MAP3K15: variants seen among roughly 807,000 people sequenced by gnomAD.
The protein encoded by MAP3K15 is MAPK/ERK kinase kinase 15.
In MAP3K15, 124 loss-of-function variants were observed where a neutral mutation model predicts 99.5. The ratio of observed to expected loss-of-function variants is 1.25; its 90% CI spans 1.08 to 1.45. The LOEUF (loss-of-function observed/expected upper bound fraction) is 1.45. MAP3K15 is among the 40% of genes most tolerant of loss of function. The probability of loss-of-function intolerance (pLI) is 0.00; values close to 1 mark genes in which losing one functional copy is unlikely to be tolerated. For synonymous variants in MAP3K15, 494 were observed against 439.6 expected, an observed-to-expected ratio of 1.12 and a Z score of -1.55; for missense variants, 1,242 against 1,079.7, an observed-to-expected ratio of 1.15 and a Z score of -2.11.
At chrX:19,486,006 G>A in intron 3 of MAP3K15, among the ~76,000 whole-genome samples, 1 of 111,883 alleles carries the variant, frequency 8.9e-6, no homozygotes, top group Non-Finnish European at 1.9e-5. Flanking sequence ...GTACATAAAT[G>A]GGACAGAAGG....
intron 9 of MAP3K15, among the ~76,000 whole-genome samples, chrX:19,416,268 T>A (rs138088849): frequency 0.019 from 2,077 of 110,435 alleles, 49 homozygotes; most frequent in African/African-American, 0.065. Flanking sequence ...GAGACGGAGG[T>A]TGCAGTGAGC....
Position 19,456,905 on chromosome X carries a change from G to T in MAP3K15, c.995+8C>A. The T allele has an allele frequency of 8.6e-7, 1 of 1,158,164 alleles. No individual in the cohort carries two copies. The highest frequency in any genetic ancestry group is 1.2e-6 in the Non-Finnish European group (1 of 859,048). On this transcript the variant is annotated splice_region_variant and intron_variant, in intron 6 of 28. Transcript: ENST00000338883. Reference sequence around the variant, plus strand: ...TTTCAAAACCTGTACGTACATTATCGTTCTTACCTATTCAGTGCAAACGCA... The same window carrying T: ...TTTCAAAACCTGTACGTACATTATCTTTCTTACCTATTCAGTGCAAACGCA...
At chrX:19,494,874 C>A (rs1366265095) in intron 1 of MAP3K15, among the ~76,000 whole-genome samples, 1 of 82,509 alleles carries the variant, frequency 1.2e-5, no homozygotes, top group Non-Finnish European at 2.5e-5. Context: ...CTAAAAGCTA[C>A]CTTTAAAAAA....
chrX:19,472,740 T>A (rs970688097), intron 3 of MAP3K15, among the ~76,000 whole-genome samples: 9 of 112,385 alleles, frequency 8.0e-5, no homozygotes, highest in Middle Eastern at 4.7e-3. Context: ...AAATTGAAGA[T>A]ACAAGAATCT....
chrX:19,452,083 G>C (rs918751996), intron 6 of MAP3K15, among the ~76,000 whole-genome samples: 2 of 6 alleles, frequency 0.33, no homozygotes, highest in Non-Finnish European at 0.5. Context: ...GAGAAGAGAA[G>C]AGAAGAGAAG....
intron 9 of MAP3K15, among the ~76,000 whole-genome samples, chrX:19,420,288 G>A (rs1282650387): frequency 2.2e-4 from 24 of 111,563 alleles, no homozygotes; most frequent in African/African-American, 7.8e-4. Context: ...TTGATAGACT[G>A]CTAGCAAGAC....
intron 16 of MAP3K15, among the ~76,000 whole-genome samples, 162 bp downstream of exon 16, chrX:19,394,919 G>A (rs1256180151): frequency 1.0e-5 from 1 of 99,149 alleles, no homozygotes; most frequent in African/African-American, 3.7e-5. Flanking sequence ...GACCTCATGG[G>A]CTCAAGTGAT....
chrX:19,435,946 G>A (rs977860143), intron 6 of MAP3K15, among the ~76,000 whole-genome samples: 1 of 111,747 alleles, frequency 8.9e-6, no homozygotes, highest in African/African-American at 3.3e-5. Context: ...CTGAGGTCAG[G>A]AGTTCGAGAC....
rs140779387 is a variant in MAP3K15, at chrX:19,361,389, C to T, written c.3807G>A (p.Ser1269=). 43 of 1,207,923 alleles carry T rather than the reference C, an allele frequency of 3.6e-5. No individual in the cohort carries two copies. The African/African-American group carries it at 5.0e-4, about 14-fold the overall frequency. The stretch of plus-strand genomic sequence containing the variant: ...CCTTAGTGATCTCATTAAGAATATC[C>T]GAAAGTGTATAACCCTCTTCAACAA... ...EKIVEEGYTL[S]DILNEITKED... is the part of the protein sequence containing the mutation. The change falls in exon 28 of 29, where the codon TCG becomes TCA. Residue 1269 remains serine (S), a synonymous_variant. Transcript: ENST00000338883.
chrX:19,474,926 A>G (rs2147379364), intron 3 of MAP3K15, among the ~76,000 whole-genome samples: 1 of 111,259 alleles, frequency 9.0e-6, no homozygotes, highest in African/African-American at 3.3e-5. Context: ...ACACTTTAAA[A>G]CAGTGGTCCC....
intron 3 of MAP3K15, among the ~76,000 whole-genome samples, chrX:19,468,130 C>A (rs982541545): frequency 8.9e-6 from 1 of 111,861 alleles, no homozygotes; most frequent in Non-Finnish European, 1.9e-5. Flanking sequence ...CAGAATGTGC[C>A]ATGGGGAAGT....
In MAP3K15 at chrX:19,372,791, G is replaced by C; in HGVS notation, c.2970C>G (p.Gly990=). Residue 990 remains glycine, a synonymous_variant, in exon 22 of 29, where the codon GGC becomes GGG. Coordinates refer to ENST00000338883, the MANE Select transcript of MAP3K15 (RefSeq NM_001001671.4). The part of the protein sequence containing the change: ...PDESSALEDR[G]LASSPEDRDQ... Reference sequence around the variant, plus strand: ...CCCTGTCCTCCGGGGACGAGGCCAAGCCCCGGTCTTCCAAGGCTGAGCTCT... The same window carrying C: ...CCCTGTCCTCCGGGGACGAGGCCAACCCCCGGTCTTCCAAGGCTGAGCTCT... 8.3e-7 allele frequency: 1 copy of C among 1,210,999 alleles called. No individual in the cohort carries two copies. The highest frequency in any genetic ancestry group is 1.1e-6 in the Non-Finnish European group (1 of 895,070).
rs953889954 is a variant in MAP3K15 at position 19,452,381 on chromosome X, A to G, written c.995+4532T>C. Among the ~76,000 whole-genome samples the G allele has an allele frequency of 3.4e-4, 10 of 29,174 alleles. 4 individuals are homozygous for G. Among genetic ancestry groups the G allele is most frequent in the Admixed American group, 1.7e-3 (4 of 2,338 alleles). 25.3% of individuals were successfully genotyped at this position (29,174 alleles called of 115,157 possible). On this transcript the variant is annotated intron_variant, in intron 6 of 28. Transcript: ENST00000338883. ...GAAGAGAAGAGAAGAGAAGAGAGAA[A>G]AGAAAAGAGAAAAGAAAAGAAAAGA...
At chrX:19,403,874 C>T (rs2063628041) in intron 13 of MAP3K15, among the ~76,000 whole-genome samples, 1 of 111,328 alleles carries the variant, frequency 9.0e-6, no homozygotes, top group African/African-American at 3.3e-5. Flanking sequence ...GGAACTTCCT[C>T]AATCTGATAA....
intron 18 of MAP3K15, among the ~76,000 whole-genome samples, chrX:19,384,966 A>C (rs1602260427): frequency 9.0e-6 from 1 of 110,674 alleles, no homozygotes; most frequent in Non-Finnish European, 1.9e-5. Context: ...GTTAAAAATA[A>C]ATTTGCAGAT....
At position 19,371,445 on chromosome X, in the gene MAP3K15, C is replaced by T. The variant is rs772351791; in HGVS notation, c.3194G>A (p.Arg1065Gln). ...CTTTGATATTGTGGTCGCCATCACCCGGTGCTCTGGGGAGCGGATGAAGTC... is the reference window on the plus strand; with the variant it reads ...CTTTGATATTGTGGTCGCCATCACCTGGTGCTCTGGGGAGCGGATGAAGTC... The part of the protein sequence containing the change: ...LRDFIRSPEH[R>Q]VMATTISKLK... Residue 1065 changes from arginine to glutamine, a missense_variant, in exon 23 of 29, where the codon CGG (arginine) becomes CAG (glutamine). Coordinates refer to ENST00000338883, the MANE Select transcript of MAP3K15 (RefSeq NM_001001671.4). 9.9e-6 allele frequency: 12 copies of T among 1,209,397 alleles called. No homozygotes were observed. Among genetic ancestry groups the T allele is most frequent in the African/African-American group, 1.7e-5 (1 of 57,164 alleles).
chrX:19,368,594 T>C (rs756939616), intron 25 of MAP3K15, among the ~76,000 whole-genome samples: 3 of 112,165 alleles, frequency 2.7e-5, no homozygotes, highest in African/African-American at 9.7e-5. Flanking sequence ...ATGGAAGAAA[T>C]GACAACAGGA....
rs1055877510 is a variant in MAP3K15, at chrX:19,361,604, T to A, written c.3680-11A>T. On this transcript the variant is annotated splice_polypyrimidine_tract_variant and intron_variant, in intron 26 of 28. Coordinates refer to ENST00000338883, the MANE Select transcript of MAP3K15 (RefSeq NM_001001671.4). ...GGTTCTCTGTAATACCTGTAACGAT[T>A]GGCAATTTGTTATATATTAGTCTAA... The A allele has an allele frequency of 2.6e-6, 3 of 1,133,717 alleles. No homozygotes were observed. Among genetic ancestry groups the A allele is most frequent in the African/African-American group, 3.6e-5 (2 of 55,721 alleles). 93.4% of individuals were successfully genotyped at this position (1,133,717 alleles called of 1,213,427 possible). A position where few individuals can be genotyped will look rare whatever the true frequency, so the allele number is the denominator to read the frequency against.
In MAP3K15 at chrX:19,415,188, C is replaced by T. The variant is rs56125741; in HGVS notation, c.1509G>A (p.Ser503=). The change falls in exon 10 of 29, where the codon TCG becomes TCA. Residue 503 remains serine, a synonymous_variant. Transcript: ENST00000338883. ...AGAAGTTCAGCCGCTCTTGCCTGGG[C>T]GAGTGTTCAATAATGGTTTTCTTGA... ...RRFKKTIIEH[S]PRQERLNFWL... 1.5e-3 allele frequency: 1,773 copies of T among 1,177,046 alleles called. 20 individuals carry two copies. The East Asian group carries it at 0.036, about 24-fold the overall frequency.
Sources: allele counts gnomAD v4.1 joint callset (sites outside exome capture counted in the v4.1 genomes callset), GRCh38; gene constraint gnomAD v4.1.1; transcripts MANE v1.5; gene names NCBI Gene and HGNC (gene_info 2026-07-23, HGNC 2026-07-21).